OR51I2: variants seen among roughly 807,000 people sequenced by gnomAD.
OR51I2 encodes the protein olfactory receptor 51I2.
Under a neutral mutation model 9.3 loss-of-function variants are expected in OR51I2, and 6 were observed. The observed-to-expected ratio is 0.64, with a 90% CI of 0.35 to 1.27. The LOEUF is 1.27. Among genes scored for constraint, OR51I2 ranks in the 50% most tolerant of loss-of-function variants. The probability of loss-of-function intolerance (pLI) is 0.03; values close to 1 mark genes in which losing one functional copy is unlikely to be tolerated. For missense variants in OR51I2, 489 were observed against 396.4 expected (o/e 1.23, Z -1.98); for synonymous variants, 179 against 143.1 (o/e 1.25, Z -1.79).
At chr11:5,451,033 C>T (rs974072462) in intron 1 of OR51I2, among the ~76,000 whole-genome samples, 1 of 152,206 alleles carries the variant, frequency 6.6e-6, no homozygotes, top group African/African-American at 2.4e-5. Context: ...ATCTCACTGG[C>T]TCTCAGTGTC....
Position 5,454,415 on chromosome 11 carries a change from CA to C in OR51I2, c.928del (p.Ile310SerfsTer10), listed in dbSNP as rs773474831. The C allele has an allele frequency of 2.5e-6, 4 of 1,605,224 alleles. No individual in the cohort carries two copies. The highest frequency in any genetic ancestry group is 1.7e-6 in the Non-Finnish European group (2 of 1,178,404). On this transcript the variant is annotated frameshift_variant, in exon 2 of 2. Coordinates refer to ENST00000641930, the MANE Select transcript of OR51I2 (RefSeq NM_001004754.3). LOFTEE classifies it high-confidence loss of function. ...RRAIFRMFHH[I>X]KI Reference sequence around the variant, plus strand: ...GAGCCATTTTCCGCATGTTTCACCACATCAAAATATGACTTTCACACTTGGC... The same window carrying C: ...GAGCCATTTTCCGCATGTTTCACCACTCAAAATATGACTTTCACACTTGGC...
chr11:5,455,568 A>AGAGAGAGCGAGAAAGAGAAAGAGAGAG lies in OR51I2; in HGVS notation c.*1148_*1149insCGAGAAAGAGAAAGAGAGAGGAGAGAG. On this transcript the variant is annotated 3_prime_UTR_variant, in exon 2 of 2. Coordinates refer to ENST00000641930, the MANE Select transcript of OR51I2 (RefSeq NM_001004754.3). ...GATTGGGGGAGAAAGAAGGGGGGAG[A>AGAGAGAGCGAGAAAGAGAAAGAGAGAG]GAGAGAGAGAAAGAGAAAGAGAGAA... 1 of 135,428 alleles carries AGAGAGAGCGAGAAAGAGAAAGAGAGAG rather than the reference A, an allele frequency of 7.4e-6. No homozygotes were observed. Among genetic ancestry groups the AGAGAGAGCGAGAAAGAGAAAGAGAGAG allele is most frequent in the African/African-American group, 2.8e-5 (1 of 35,648 alleles). 8.4% of individuals were successfully genotyped at this position (135,428 alleles called of 1,614,324 possible).
chr11:5,453,518 A>T lies in OR51I2; in HGVS notation c.30A>T (p.Ala10=). The T allele has an allele frequency of 6.3e-7, 1 of 1,577,402 alleles. No homozygotes were observed. Among genetic ancestry groups the T allele is most frequent in the South Asian group, 1.2e-5 (1 of 83,748 alleles). The part of the protein sequence containing the change: MGLFNVTHP[A]FFLLTGIPGL... ...GGTTGTTCAATGTCACTCACCCTGC[A>T]TTCTTCCTCCTGACTGGTATCCCTG... The change falls in exon 2 of 2, where the codon GCA becomes GCT. Residue 10 remains alanine (A), a synonymous_variant. Coordinates refer to ENST00000641930, the MANE Select transcript of OR51I2 (RefSeq NM_001004754.3).
Position 5,454,529 on chromosome 11 carries a change from G to T in OR51I2, c.*102G>T, listed in dbSNP as rs11037506. On this transcript the variant is annotated 3_prime_UTR_variant, in exon 2 of 2. Coordinates refer to ENST00000641930, the MANE Select transcript of OR51I2 (RefSeq NM_001004754.3). ...GTATAAGATAGATTGTGTGCTGCGG[G>T]AAAAGTAGGCCAGGAGATGGTGATG... 0.019 allele frequency: 18,627 copies of T among 1,005,010 alleles called. 1,871 individuals carry two copies. In the African/African-American group the frequency reaches 0.24, roughly 13 times the overall value. The allele number at this position is 1,005,010 out of a possible 1,614,324, so 62.3% of individuals were successfully genotyped here.
Sources: gnomAD v4.1 joint callset for allele counts (sites outside exome capture counted in the v4.1 genomes callset) on GRCh38, gnomAD v4.1.1 for gene constraint, MANE v1.5 for transcripts, NCBI Gene and HGNC (gene_info 2026-07-23, HGNC 2026-07-21) for gene names.